Variants in CPNE8 observed in about 807,000 individuals in gnomAD.
CPNE8 encodes copine 8, also known as copine-8.
A neutral mutation model predicts 81.5 loss-of-function variants in CPNE8; 45 were observed. The ratio of observed to expected loss-of-function variants is 0.55; its 90% CI spans 0.44 to 0.71. CPNE8 has a LOEUF of 0.71. Among genes scored for constraint, CPNE8 ranks in the 30% least tolerant of loss-of-function variants. The pLI is 0.00. For missense variants in CPNE8, 594 were observed against 672.1 expected (o/e 0.88, Z 1.28); for synonymous variants, 252 against 226.3 (o/e 1.11, Z -1.02).
chr12:38,885,746 C>T (rs1172694439), intron 1 of CPNE8, among the ~76,000 whole-genome samples: 2 of 152,060 alleles, frequency 1.3e-5, no homozygotes, highest in African/African-American at 4.8e-5. Context: ...GAATTGTAAT[C>T]CTCAATGTTG....
chr12:38,655,127 A>G (rs1269246625), intron 19 of CPNE8, among the ~76,000 whole-genome samples: 1 of 152,182 alleles, frequency 6.6e-6, no homozygotes, highest in Non-Finnish European at 1.5e-5. Flanking sequence ...ACAAAAAGTA[A>G]TTGCAGTTTT....
intron 6 of CPNE8, among the ~76,000 whole-genome samples, chr12:38,814,828 A>C (rs1942997114): frequency 6.6e-6 from 1 of 151,984 alleles, no homozygotes; most frequent in South Asian, 2.1e-4. Flanking sequence ...ATAGCTTTTT[A>C]TTTCTTGTTT....
chr12:38,723,046 A>C (rs1449322544), intron 13 of CPNE8, among the ~76,000 whole-genome samples: 1 of 152,170 alleles, frequency 6.6e-6, no homozygotes, highest in African/African-American at 2.4e-5. Flanking sequence ...CCCAGACATG[A>C]GGAACTGTGA....
chr12:38,654,821 A>G (rs1565555689), intron 19 of CPNE8, among the ~76,000 whole-genome samples: 1 of 152,178 alleles, frequency 6.6e-6, no homozygotes, highest in Non-Finnish European at 1.5e-5. Flanking sequence ...AATTCTGGAT[A>G]AGAAATGAGT....
intron 7 of CPNE8, among the ~76,000 whole-genome samples, chr12:38,775,690 T>A (rs1230027453): frequency 6.6e-6 from 1 of 152,158 alleles, no homozygotes; most frequent in Non-Finnish European, 1.5e-5. Flanking sequence ...GTAGCAATGT[T>A]CTAAAAATAC....
chr12:38,810,000 A>T (rs193071941), intron 6 of CPNE8, among the ~76,000 whole-genome samples: 3 of 152,320 alleles, frequency 2.0e-5, no homozygotes, highest in Admixed American at 2.0e-4. Context: ...GAGCTTTTTC[A>T]TGGTTCACAA....
Position 38,783,242 on chromosome 12 carries a change from C to T in CPNE8, c.408-6941G>A, listed in dbSNP as rs957800300. Among the ~76,000 whole-genome samples, 4 of 152,140 alleles carry T rather than the reference C, an allele frequency of 2.6e-5. No individual in the cohort carries two copies. The East Asian group carries it at 7.7e-4, about 29-fold the overall frequency. ...TAGAGGGCTCCATTGATCATCCCTCCTGCAAAGACAACTATCTATATTTTA... is the reference window on the plus strand; with the variant it reads ...TAGAGGGCTCCATTGATCATCCCTCTTGCAAAGACAACTATCTATATTTTA... On this transcript the variant is annotated intron_variant, in intron 6 of 19. Transcript: ENST00000331366.
intron 15 of CPNE8, among the ~76,000 whole-genome samples, 181 bp downstream of exon 15, chr12:38,693,476 T>C (rs1939723987): frequency 6.6e-6 from 1 of 152,154 alleles, no homozygotes; most frequent in African/African-American, 2.4e-5. Context: ...GATTTATGGC[T>C]AAGCTATTTA....
chr12:38,784,883 G>C (rs993913215), intron 6 of CPNE8, among the ~76,000 whole-genome samples: 1 of 152,098 alleles, frequency 6.6e-6, no homozygotes, highest in African/African-American at 2.4e-5. Context: ...ATGCTAAAGA[G>C]AATATCTCAA....
chr12:38,684,739 A>T (rs528447280), intron 16 of CPNE8, among the ~76,000 whole-genome samples: 5 of 152,142 alleles, frequency 3.3e-5, no homozygotes, highest in African/African-American at 7.2e-5. Context: ...AAAATACATA[A>T]TTTTTTTCAA....
Position 38,873,015 on chromosome 12 carries a change from C to G in CPNE8, c.175G>C (p.Glu59Gln), listed in dbSNP as rs1217320541. Residue 59 changes from glutamate (E) to glutamine (Q), a missense_variant, in exon 3 of 20, where the codon GAA becomes CAA. Glu to Gln is a conservative substitution (Grantham distance 29). Transcript: ENST00000331366. ...VLYVQGVGNK[E>Q]WREFGRTEVI... ...AGTTTTAAACTTACCTCTCTCCATTCTTTATTTCCAACTCCTTGTACATAT... is the reference window on the plus strand; with the variant it reads ...AGTTTTAAACTTACCTCTCTCCATTGTTTATTTCCAACTCCTTGTACATAT... 6.5e-7 allele frequency: 1 copy of G among 1,546,476 alleles called. No homozygotes were observed. The highest frequency in any genetic ancestry group is 1.7e-5 in the Admixed American group (1 of 58,454).
chr12:38,812,592 A>G (rs1592113617), intron 6 of CPNE8, among the ~76,000 whole-genome samples: 2 of 152,326 alleles, frequency 1.3e-5, no homozygotes, highest in East Asian at 3.9e-4. Flanking sequence ...CCCTCCCACA[A>G]CATGTGGGGA....
intron 10 of CPNE8, among the ~76,000 whole-genome samples, chr12:38,741,119 T>C (rs1425806832): frequency 1.3e-5 from 2 of 152,086 alleles, no homozygotes; most frequent in Admixed American, 6.6e-5. Context: ...AGGTAATTTA[T>C]AGATTCAATG....
chr12:38,801,991 C>G (rs1942683694), intron 6 of CPNE8, among the ~76,000 whole-genome samples: 1 of 30,848 alleles, frequency 3.2e-5, no homozygotes, highest in East Asian at 8.2e-4. Context: ...AATACAGGAG[C>G]ACCCAGATTC....
intron 6 of CPNE8, among the ~76,000 whole-genome samples, chr12:38,818,902 CAT>C (rs1943069260): frequency 6.6e-6 from 1 of 152,072 alleles, no homozygotes; most frequent in African/African-American, 2.4e-5. Context: ...AGCTTTTTTT[CAT>C]ATGTTTGTTG....
intron 10 of CPNE8, among the ~76,000 whole-genome samples, chr12:38,760,300 A>G (rs567378985): frequency 6.6e-6 from 1 of 152,070 alleles, no homozygotes; most frequent in Non-Finnish European, 1.5e-5. Context: ...TTAAAAAAGA[A>G]AAAAATGAGT....
chr12:38,797,249 C>T lies in CPNE8; in HGVS notation c.408-20948G>A, dbSNP rs1719859. Among the ~76,000 whole-genome samples the T allele has an allele frequency of 1.8e-4, 28 of 152,126 alleles. 1 individual carries two copies. The highest frequency in any genetic ancestry group is 2.8e-4 in the Non-Finnish European group (19 of 68,006). On this transcript the variant is annotated intron_variant, in intron 6 of 19. Coordinates refer to ENST00000331366, the MANE Select transcript of CPNE8 (RefSeq NM_153634.3). ...GAGAACGGGCAGACTGCCTCCTCAA[C>T]TGCGTCCCTGACCCCTGACCCCCGA...
intron 6 of CPNE8, among the ~76,000 whole-genome samples, chr12:38,811,188 C>A (rs1043401111): frequency 1.3e-5 from 2 of 151,454 alleles, no homozygotes; most frequent in African/African-American, 4.8e-5. Context: ...GCATATAAGA[C>A]ATATAAGTTT....
rs1486913675 is a variant in CPNE8 at position 38,724,850 on chromosome 12, C to T, written c.848G>A (p.Gly283Glu). ...KGKKKKYTNS[G>E]TVTLLSFLVE... Reference sequence around the variant, plus strand: ...ATAACATAAAATTTGACTTACTGTTCCAGAATTAGTATATTTTTTCTTTTT... The same window carrying T: ...ATAACATAAAATTTGACTTACTGTTTCAGAATTAGTATATTTTTTCTTTTT... Residue 283 changes from glycine to glutamate, a missense_variant, in exon 12 of 20, where the codon GGA becomes GAA. Physicochemically the swap from Gly to Glu is moderately conservative, Grantham distance 98. Transcript: ENST00000331366. 6.8e-7 allele frequency: 1 copy of T among 1,468,016 alleles called. No individual in the cohort carries two copies. Among genetic ancestry groups the T allele is most frequent in the Non-Finnish European group, 9.5e-7 (1 of 1,057,010 alleles). The allele number at this position is 1,468,016 out of a possible 1,614,324, so 90.9% of individuals were successfully genotyped here.
Sources: allele counts gnomAD v4.1 joint callset (sites outside exome capture counted in the v4.1 genomes callset), GRCh38; gene constraint gnomAD v4.1.1; transcripts MANE v1.5; gene names NCBI Gene and HGNC (gene_info 2026-07-23, HGNC 2026-07-21).